The following PAX7 variants were observed in gnomAD, a reference collection of about 807,000 sequenced individuals.
The protein encoded by PAX7 is paired box 7.
In PAX7, 18 loss-of-function variants were observed where a neutral mutation model predicts 50.7. The observed-to-expected ratio is 0.36, with a 90% confidence interval of 0.25 to 0.53. The LOEUF is 0.53. Among genes scored for constraint, PAX7 ranks in the 20% least tolerant of loss-of-function variants. The pLI is 0.93. For missense variants in PAX7, 644 were observed against 702.9 expected (o/e 0.92, Z 0.95); for synonymous variants, 310 against 290.4 (o/e 1.07, Z -0.69).
At chr1:18,704,639 T>C (rs2089261475) in intron 7 of PAX7, among the ~76,000 whole-genome samples, 1 of 150,770 alleles carries the variant, frequency 6.6e-6, no homozygotes, top group Admixed American at 6.6e-5. Flanking sequence ...AATAAATAAA[T>C]AAAAAGAGAG....
chr1:18,636,626 C>A lies in PAX7; in HGVS notation c.586+255C>A, dbSNP rs976934391. Among the ~76,000 whole-genome samples the A allele has an allele frequency of 6.6e-6, 1 of 152,194 alleles. No individual in the cohort carries two copies. Among genetic ancestry groups the A allele is most frequent in the African/African-American group, 2.4e-5 (1 of 41,464 alleles). ...GCCGGGCACGGACGGCCTGTGAGTC[C>A]CGGGAGAGCCCGGCTGCGGGGCTGC... On this transcript the variant is annotated intron_variant, in intron 4 of 8. Coordinates refer to ENST00000420770, the MANE Select transcript of PAX7 (RefSeq NM_001135254.2). This position sits in a 1 kb window ranked among gnomAD's most constrained non-coding sequence, Gnocchi z 5.1.
intron 7 of PAX7, among the ~76,000 whole-genome samples, chr1:18,722,816 A>T (rs1190663746): frequency 1.3e-5 from 2 of 152,072 alleles, no homozygotes; most frequent in African/African-American, 2.4e-5. Flanking sequence ...ACCTGGGTAA[A>T]TAGGTATACC....
At chr1:18,645,813 C>T (rs1303528170) in intron 4 of PAX7, among the ~76,000 whole-genome samples, 1 of 152,194 alleles carries the variant, frequency 6.6e-6, no homozygotes, top group African/African-American at 2.4e-5. Flanking sequence ...CCTAAGGAAG[C>T]TTCTGGAACC....
chr1:18,747,545 G>A lies in PAX7; in HGVS notation c.*2616G>A, dbSNP rs1432124165. On this transcript the variant is annotated 3_prime_UTR_variant, in exon 9 of 9. Coordinates refer to ENST00000420770, the MANE Select transcript of PAX7 (RefSeq NM_001135254.2). ...CATCACCAGAGAGGTGATGTTGAAT[G>A]AGAGACACAAGGCCTCCATCTCTTT... 3 of 213,358 alleles carry A rather than the reference G, an allele frequency of 1.4e-5. No individual in the cohort carries two copies. The highest frequency in any genetic ancestry group is 2.3e-5 in the African/African-American group (1 of 44,210). 13.2% of individuals were successfully genotyped at this position (213,358 alleles called of 1,614,324 possible). A position where few individuals can be genotyped will look rare whatever the true frequency, so the allele number is the denominator to read the frequency against.
At chr1:18,663,839 C>T (rs2088632239) in intron 4 of PAX7, among the ~76,000 whole-genome samples, 1 of 152,234 alleles carries the variant, frequency 6.6e-6, no homozygotes, top group African/African-American at 2.4e-5. Context: ...CATCTTCCCA[C>T]AGGTCAGGAA....
chr1:18,691,785 G>T lies in PAX7; in HGVS notation c.618G>T (p.Glu206Asp), dbSNP rs772687531. Residue 206 changes from glutamate to aspartate, a missense_variant, in exon 5 of 9, where the codon GAG becomes GAT. By Grantham distance (45) the Glu-to-Asp change is conservative. Transcript: ENST00000420770. ...GNRLDEGSDV[E>D]SEPDLPLKRK... ...GGCTGGACGAGGGCTCGGATGTGGA[G>T]TCGGAACCTGACCTCCCACTGAAGC... 1 of 1,599,198 alleles carries T rather than the reference G, an allele frequency of 6.3e-7. No individual in the cohort carries two copies. The highest frequency in any genetic ancestry group is 8.5e-7 in the Non-Finnish European group (1 of 1,173,438).
At chr1:18,680,702 C>G (rs922199202) in intron 4 of PAX7, among the ~76,000 whole-genome samples, 5 of 152,160 alleles carry the variant, frequency 3.3e-5, no homozygotes, top group African/African-American at 1.2e-4. Flanking sequence ...GCGGGCAAGC[C>G]CTTCAGGAGC....
At chr1:18,652,481 G>A (rs917781213) in intron 4 of PAX7, among the ~76,000 whole-genome samples, 1 of 152,198 alleles carries the variant, frequency 6.6e-6, no homozygotes, top group Non-Finnish European at 1.5e-5. Flanking sequence ...AATTGTGATA[G>A]AAAGGGACTG....
Position 18,632,916 on chromosome 1 carries a change from C to A in PAX7, c.85+1228C>A, listed in dbSNP as rs1465378589. On this transcript the variant is annotated intron_variant, in intron 1 of 8. Transcript: ENST00000420770. This position sits in a 1 kb window ranked among gnomAD's most constrained non-coding sequence, Gnocchi z 6.3. ...CTGTAGCGAATGCAAGTAAAACAGG[C>A]GGCTGAGGACGCGCGGCGGATTAGA... 6.6e-6 allele frequency among the ~76,000 whole-genome samples: 1 copy of A among 152,170 alleles called. No individual in the cohort carries two copies. The highest frequency in any genetic ancestry group is 1.9e-4 in the East Asian group (1 of 5,178).
Position 18,700,077 on chromosome 1 carries a change from CGTGTGTGTGT to C in PAX7, c.787-545_787-536del, listed in dbSNP as rs66600721. Among the ~76,000 whole-genome samples, 17,394 of 145,708 alleles carry C rather than the reference CGTGTGTGTGT, an allele frequency of 0.12. 1,220 individuals carry two copies. Among genetic ancestry groups the C allele is most frequent in the East Asian group, 0.32 (1,601 of 4,950 alleles). On this transcript the variant is annotated intron_variant, in intron 5 of 8. Transcript: ENST00000420770. The surrounding 1 kb of genome is among the most constrained non-coding windows in gnomAD (Gnocchi z 4.8). Reference sequence around the variant, plus strand: ...TTATCCCACTAATGTTTGATAAATCCGTGTGTGTGTGTGTGTGTGTGTGTGTGTGTGTGTG... The same window carrying C: ...TTATCCCACTAATGTTTGATAAATCCGTGTGTGTGTGTGTGTGTGTGTGTG...
intron 7 of PAX7, among the ~76,000 whole-genome samples, chr1:18,728,363 G>A (rs937421759): frequency 6.6e-6 from 1 of 152,000 alleles, no homozygotes; most frequent in Non-Finnish European, 1.5e-5. Context: ...TCCTGCACGG[G>A]TGTCTGGGTG....
intron 4 of PAX7, among the ~76,000 whole-genome samples, chr1:18,669,255 T>C (rs144649879): frequency 6.6e-6 from 1 of 152,318 alleles, no homozygotes; most frequent in East Asian, 1.9e-4. Flanking sequence ...TCTCTAAAGC[T>C]ATATTCTGCT....
chr1:18,637,246 G>C (rs1257589165), intron 4 of PAX7, among the ~76,000 whole-genome samples: 1 of 152,164 alleles, frequency 6.6e-6, no homozygotes, highest in East Asian at 1.9e-4. Context: ...GGAAGGGAAA[G>C]TTTTTCCTCA....
intron 2 of PAX7, 96 bp from the exon 3 acceptor site, chr1:18,635,015 C>A: frequency 6.9e-7 from 1 of 1,458,088 alleles, no homozygotes; most frequent in East Asian, 2.4e-5. Context: ...CCAGAACCAC[C>A]AGCCTGGTCT....
chr1:18,655,591 G>A (rs1345305480), intron 4 of PAX7, among the ~76,000 whole-genome samples: 2 of 152,218 alleles, frequency 1.3e-5, no homozygotes, highest in Non-Finnish European at 2.9e-5. Flanking sequence ...GGCTGCAGTC[G>A]GCGGGAGGGT....
intron 4 of PAX7, among the ~76,000 whole-genome samples, chr1:18,657,252 A>G (rs2088535727): frequency 6.6e-6 from 1 of 152,016 alleles, no homozygotes; most frequent in Non-Finnish European, 1.5e-5. Flanking sequence ...AGTGAGGCAG[A>G]TATGGGCTCC....
At chr1:18,662,028 G>A (rs2088607254) in intron 4 of PAX7, among the ~76,000 whole-genome samples, 1 of 151,648 alleles carries the variant, frequency 6.6e-6, no homozygotes, top group Non-Finnish European at 1.5e-5. Flanking sequence ...TGGGGGCCCT[G>A]ACTGAGCACA....
intron 7 of PAX7, among the ~76,000 whole-genome samples, chr1:18,707,971 G>C (rs2089305171): frequency 6.6e-6 from 1 of 152,096 alleles, no homozygotes; most frequent in African/African-American, 2.4e-5. Flanking sequence ...ATGGGCAAAT[G>C]CTTTTCAGGA....
chr1:18,692,511 C>T (rs917420615), intron 5 of PAX7, among the ~76,000 whole-genome samples: 1 of 146,786 alleles, frequency 6.8e-6, no homozygotes, highest in African/African-American at 2.5e-5. Flanking sequence ...CACTGTACTC[C>T]AGCCTGGGTG....
Sources: gnomAD v4.1 joint callset for allele counts (sites outside exome capture counted in the v4.1 genomes callset) on GRCh38, gnomAD v4.1.1 for gene constraint, Gnocchi (gnomAD v3.1) non-coding constraint, MANE v1.5 for transcripts, NCBI Gene and HGNC (gene_info 2026-07-23, HGNC 2026-07-21) for gene names.